SLC23A2: variants seen among roughly 807,000 people sequenced by gnomAD.
The protein encoded by SLC23A2 is Na(+)/L-ascorbic acid transporter 2.
In SLC23A2, 36 loss-of-function variants were observed where a neutral mutation model predicts 73.3. The ratio of observed to expected loss-of-function variants is 0.49; its 90% CI spans 0.38 to 0.65. The LOEUF is 0.65. Among genes scored for constraint, SLC23A2 ranks in the 30% least tolerant of loss-of-function variants. The probability of loss-of-function intolerance (pLI) is 0.00; values close to 1 mark genes in which losing one functional copy is unlikely to be tolerated. For missense variants in SLC23A2, 507 were observed against 841.6 expected (o/e 0.60, Z 4.92); for synonymous variants, 343 against 327.3 (o/e 1.05, Z -0.52).
intron 5 of SLC23A2, among the ~76,000 whole-genome samples, chr20:4,901,622 G>A (rs556330903): frequency 1.3e-4 from 20 of 152,094 alleles, no homozygotes; most frequent in Admixed American, 8.5e-4. Context: ...CCCTGAGCCC[G>A]GCTGCCCTCC....
At chr20:4,858,442 T>C (rs1600069712) in intron 16 of SLC23A2, among the ~76,000 whole-genome samples, 1 of 152,322 alleles carries the variant, frequency 6.6e-6, no homozygotes, top group South Asian at 2.1e-4. Context: ...AGAGTAGTCG[T>C]TATGGACTCT....
intron 16 of SLC23A2, 146 bp downstream of exon 16, chr20:4,859,143 T>A (rs1490438920): frequency 1.6e-6 from 1 of 617,038 alleles, no homozygotes; most frequent in Non-Finnish European, 2.9e-6. Flanking sequence ...GGGAGTGCCA[T>A]CACAACTGTT....
rs150712442 is a variant in SLC23A2, at chr20:4,918,649, A to G, written c.109-5671T>C. ...CACAGCAGTGCCAGGCGAAACTGAC[A>G]GCTGTGTGTGCCCACATTTCTCAAG... is the stretch of plus-strand genomic sequence containing the variant. On this transcript the variant is annotated intron_variant, in intron 3 of 16. Coordinates refer to ENST00000338244, the MANE Select transcript of SLC23A2 (RefSeq NM_005116.6). Among the ~76,000 whole-genome samples the G allele has an allele frequency of 5.3e-3, 813 of 152,188 alleles. 6 individuals carry two copies. The highest frequency in any genetic ancestry group is 0.019 in the African/African-American group (778 of 41,494).
intron 1 of SLC23A2, among the ~76,000 whole-genome samples, chr20:4,977,418 G>A (rs6053006): frequency 0.39 from 58,815 of 151,732 alleles, 11,810 homozygotes; most frequent in Admixed American, 0.48. Flanking sequence ...GCTGGGCACC[G>A]TGGCTCATGC....
chr20:4,869,654 CACTGCAAT>C (rs1364379065), intron 12 of SLC23A2: 2 of 447,064 alleles, frequency 4.5e-6, no homozygotes, highest in African/African-American at 3.9e-5. Flanking sequence ...TATTTGATGT[CACTGCAAT>C]TAAGGAAGGG....
intron 4 of SLC23A2, among the ~76,000 whole-genome samples, chr20:4,910,016 C>T (rs1444483372): frequency 6.6e-6 from 1 of 152,226 alleles, no homozygotes; most frequent in African/African-American, 2.4e-5. Flanking sequence ...AGTGCAGGCT[C>T]TTTAATAACC....
chr20:4,892,329 G>C (rs1278222985), intron 6 of SLC23A2, among the ~76,000 whole-genome samples: 1 of 151,902 alleles, frequency 6.6e-6, no homozygotes, highest in Non-Finnish European at 1.5e-5. Flanking sequence ...CTGGGATATA[G>C]GCACCCACCA....
intron 12 of SLC23A2, 164 bp downstream of exon 12, chr20:4,869,742 C>T (rs950116146): frequency 4.7e-5 from 27 of 572,176 alleles, no homozygotes; most frequent in African/African-American, 3.7e-4. Flanking sequence ...ATCAGACAGT[C>T]GAAAGTAAAC....
At chr20:4,937,336 C>A (rs1440442256) in intron 2 of SLC23A2, among the ~76,000 whole-genome samples, 1 of 152,096 alleles carries the variant, frequency 6.6e-6, no homozygotes, top group Non-Finnish European at 1.5e-5. Context: ...TCCCTCATTG[C>A]CCCTTTTCCT....
At chr20:4,969,137 A>T (rs2087522153) in intron 2 of SLC23A2, among the ~76,000 whole-genome samples, 1 of 151,576 alleles carries the variant, frequency 6.6e-6, no homozygotes, top group Admixed American at 6.6e-5. Context: ...CCCAGGCTGG[A>T]GTACAATGGC....
At chr20:4,953,506 C>G (rs1301208840) in intron 2 of SLC23A2, among the ~76,000 whole-genome samples, 2 of 151,812 alleles carry the variant, frequency 1.3e-5, no homozygotes, top group Non-Finnish European at 2.9e-5. Flanking sequence ...CTTAAAACCA[C>G]TATTAGAATT....
chr20:4,952,341 G>A (rs2087216609), intron 2 of SLC23A2, among the ~76,000 whole-genome samples: 1 of 152,168 alleles, frequency 6.6e-6, no homozygotes, highest in South Asian at 2.1e-4. Flanking sequence ...GTTTGCTTAA[G>A]TGTTAGCTTG....
intron 3 of SLC23A2, among the ~76,000 whole-genome samples, chr20:4,926,113 G>A (rs1020817196): frequency 2.6e-5 from 4 of 152,194 alleles, no homozygotes; most frequent in Non-Finnish European, 5.9e-5. Flanking sequence ...AAGATGAGAA[G>A]TGGTCGGTTC....
At chr20:4,882,104 C>T (rs993503104) in intron 9 of SLC23A2, among the ~76,000 whole-genome samples, 1 of 152,114 alleles carries the variant, frequency 6.6e-6, no homozygotes, top group African/African-American at 2.4e-5. Flanking sequence ...GGGCTGGGCA[C>T]GGTGGCTCAT....
intron 1 of SLC23A2, among the ~76,000 whole-genome samples, chr20:5,007,362 C>T (rs1016393553): frequency 5.3e-5 from 8 of 152,054 alleles, no homozygotes; most frequent in African/African-American, 9.7e-5. Context: ...GAAACCCTGT[C>T]TCTACTAAAA....
chr20:4,909,148 T>TATAC (rs1388133090), intron 4 of SLC23A2, among the ~76,000 whole-genome samples: 2 of 152,200 alleles, frequency 1.3e-5, no homozygotes, highest in Non-Finnish European at 2.9e-5. Context: ...TGGTATGGAA[T>TATAC]ATACATACAG....
At chr20:5,006,948 CGTGTGTGTGTGTGTGTGT>C (rs375441910) in intron 1 of SLC23A2, among the ~76,000 whole-genome samples, 1 of 148,014 alleles carries the variant, frequency 6.8e-6, no homozygotes, top group South Asian at 2.1e-4. Flanking sequence ...CCTGAAATGA[CGTGTGTGTGTGTGTGTGT>C]GTGTGTGTGT....
chr20:4,900,954 C>T (rs933348453), intron 5 of SLC23A2, among the ~76,000 whole-genome samples: 1 of 152,208 alleles, frequency 6.6e-6, no homozygotes, highest in South Asian at 2.1e-4. Flanking sequence ...GGGTGAAATA[C>T]TCCTGTTCAG....
chr20:4,896,647 A>G (rs1159973905), intron 6 of SLC23A2, among the ~76,000 whole-genome samples: 3 of 152,136 alleles, frequency 2.0e-5, no homozygotes, highest in Non-Finnish European at 4.4e-5. Flanking sequence ...GAATGAGTTC[A>G]GTCCTAGCAC....
Sources: gnomAD v4.1 joint callset for allele counts (sites outside exome capture counted in the v4.1 genomes callset) on GRCh38, gnomAD v4.1.1 for gene constraint, MANE v1.5 for transcripts, NCBI Gene and HGNC (gene_info 2026-07-23, HGNC 2026-07-21) for gene names.